The following ANK2 variants were observed in gnomAD, a reference collection of about 807,000 sequenced individuals.
The protein encoded by ANK2 is ankyrin-2.
In ANK2, 83 loss-of-function variants were observed where a neutral mutation model predicts 360.5. The observed-to-expected ratio is 0.23, with a 90% confidence interval of 0.19 to 0.28. ANK2 has a LOEUF of 0.28. Among genes scored for constraint, ANK2 ranks in the 10% least tolerant of loss-of-function variants. The pLI is 1.00. For missense variants in ANK2, 4,201 were observed against 4,795.7 expected, an observed-to-expected ratio of 0.88 and a Z score of 3.66; for synonymous variants, 1,740 against 1,759.5, an observed-to-expected ratio of 0.99 and a Z score of 0.28.
intron 1 of ANK2, among the ~76,000 whole-genome samples, chr4:113,075,767 C>T (rs780711386): frequency 1.3e-5 from 2 of 152,154 alleles, no homozygotes; most frequent in East Asian, 3.8e-4. Flanking sequence ...ACCTAAGAAA[C>T]GGCAGCCTAT....
intron 28 of ANK2, 62 bp downstream of exon 28, chr4:113,332,132 A>G: frequency 7.2e-7 from 1 of 1,397,202 alleles, no homozygotes; most frequent in South Asian, 1.2e-5. Context: ...TTCTTCTGCA[A>G]TATGATTTCT....
chr4:112,766,395 A>G, the ANK2 span, among the ~76,000 whole-genome samples: 1 of 151,730 alleles, frequency 6.6e-6, no homozygotes, highest in Non-Finnish European at 1.5e-5. Flanking sequence ...ATTTTGCCAG[A>G]AAAAAAAATT....
chr4:113,100,486 C>A (rs904676341), intron 1 of ANK2, among the ~76,000 whole-genome samples: 1 of 152,004 alleles, frequency 6.6e-6, no homozygotes, highest in East Asian at 1.9e-4. Flanking sequence ...TGAATGCTGG[C>A]AAAGAGGTGG....
chr4:113,305,536 A>G (rs1266941744), intron 23 of ANK2, among the ~76,000 whole-genome samples: 1 of 152,170 alleles, frequency 6.6e-6, no homozygotes, highest in African/African-American at 2.4e-5. Flanking sequence ...TTTTAGAAAT[A>G]GCCAAAACTT....
At position 113,292,925 on chromosome 4, in the gene ANK2, G is replaced by A. The variant is rs78421612; in HGVS notation, c.2376+411G>A. ...TGTAAACTAAGCGGTGCAATTAAACGAACTGGGATCCCGAGTGGCCTGGGT... is the reference window on the plus strand; with the variant it reads ...TGTAAACTAAGCGGTGCAATTAAACAAACTGGGATCCCGAGTGGCCTGGGT... On this transcript the variant is annotated intron_variant, in intron 21 of 45. Coordinates refer to ENST00000357077, the MANE Select transcript of ANK2 (RefSeq NM_001148.6). The A allele has an allele frequency of 3.0e-3, 1,060 of 354,050 alleles. 10 individuals carry two copies. The highest frequency in any genetic ancestry group is 0.021 in the African/African-American group (987 of 47,184). The allele number at this position is 354,050 out of a possible 1,614,324, so 21.9% of individuals were successfully genotyped here.
chr4:112,850,504 C>CTTTTTTTTTTT lies in ANK2; in HGVS notation c.-40+32260_-40+32270dup, dbSNP rs60510554. On this transcript the variant is annotated intron_variant, in intron 1 of 30. Transcript: ENST00000503271. ...TTTTTTTAACATTTCCTGTGCTAGTCTTTTTTTTTTTTTTTTTTTTTTTTT... is the reference window on the plus strand; with the variant it reads ...TTTTTTTAACATTTCCTGTGCTAGTCTTTTTTTTTTTTTTTTTTTTTTTTTTTTTTTTTTTT... 1.4e-3 allele frequency among the ~76,000 whole-genome samples: 8 copies of CTTTTTTTTTTT among 5,818 alleles called. 3 individuals carry two copies. Among genetic ancestry groups the CTTTTTTTTTTT allele is most frequent in the African/African-American group, 3.6e-3 (5 of 1,406 alleles). 3.8% of individuals were successfully genotyped at this position (5,818 alleles called of 152,430 possible).
chr4:113,237,267 A>G, intron 6 of ANK2, 95 bp downstream of exon 6: 1 of 1,404,130 alleles, frequency 7.1e-7, no homozygotes, highest in Non-Finnish European at 1.0e-6. Context: ...TGATAATGCA[A>G]AATTATTTCT....
chr4:113,327,306 C>A (rs573844564), intron 26 of ANK2, among the ~76,000 whole-genome samples: 1 of 152,148 alleles, frequency 6.6e-6, no homozygotes, highest in African/African-American at 2.4e-5. Flanking sequence ...CAAAGGAAAT[C>A]AATGTATTAG....
chr4:113,008,269 G>A (rs1338150401), intron 2 of ANK2, among the ~76,000 whole-genome samples: 2 of 152,136 alleles, frequency 1.3e-5, no homozygotes, highest in African/African-American at 2.4e-5. Flanking sequence ...AGGCAGTTGA[G>A]TGGAGTTTAT....
intron 1 of ANK2, among the ~76,000 whole-genome samples, chr4:112,832,458 ATTATT>A (rs1480493088): frequency 6.6e-6 from 1 of 152,234 alleles, no homozygotes; most frequent in African/African-American, 2.4e-5. Context: ...CAGTCACAAA[ATTATT>A]TTATTTTGCC....
At chr4:112,728,919 G>A in the ANK2 span, among the ~76,000 whole-genome samples, 1 of 152,264 alleles carries the variant, frequency 6.6e-6, no homozygotes, top group African/African-American at 2.4e-5. Context: ...GCTCAAGCCT[G>A]TAATCCTGGC....
chr4:112,778,823 A>AT, the ANK2 span, among the ~76,000 whole-genome samples: 1 of 152,104 alleles, frequency 6.6e-6, no homozygotes, highest in Non-Finnish European at 1.5e-5. Flanking sequence ...TGTTTGTTGA[A>AT]TTTTTTTGTC....
chr4:112,768,344 C>G, the ANK2 span, among the ~76,000 whole-genome samples: 3 of 152,068 alleles, frequency 2.0e-5, no homozygotes, highest in Non-Finnish European at 4.4e-5. Context: ...ACCTCTGTCT[C>G]CTGGGCTCAA....
chr4:112,953,707 T>G (rs1280108778), intron 2 of ANK2, among the ~76,000 whole-genome samples: 1 of 152,246 alleles, frequency 6.6e-6, no homozygotes, highest in Non-Finnish European at 1.5e-5. Flanking sequence ...TTCCTGACTC[T>G]ACTCTGGCAG....
chr4:113,020,682 C>T (rs554921573), intron 2 of ANK2, among the ~76,000 whole-genome samples: 7 of 151,912 alleles, frequency 4.6e-5, no homozygotes, highest in Non-Finnish European at 8.8e-5. Context: ...ACAAAATAGC[C>T]GGGCATGGTG....
chr4:113,175,638 C>T (rs2098166822), intron 2 of ANK2, among the ~76,000 whole-genome samples: 1 of 152,184 alleles, frequency 6.6e-6, no homozygotes, highest in Admixed American at 6.5e-5. Context: ...CACATAATGC[C>T]TTGAGCGATA....
intron 31 of ANK2, among the ~76,000 whole-genome samples, chr4:113,338,542 ACTT>A (rs2093846432): frequency 8.2e-6 from 1 of 121,862 alleles, no homozygotes; most frequent in South Asian, 2.4e-4. Context: ...TAGATTGTTC[ACTT>A]TTTTTTTTTT....
chr4:113,332,874 C>T (rs988270301), intron 28 of ANK2, 180 bp from the exon 29 acceptor site: 1 of 748,502 alleles, frequency 1.3e-6, no homozygotes, highest in Non-Finnish European at 2.2e-6. Flanking sequence ...GGATTGGTGC[C>T]CCTGAGGTGG....
intron 1 of ANK2, among the ~76,000 whole-genome samples, chr4:113,084,360 GA>G (rs2083631780): frequency 6.6e-6 from 1 of 152,232 alleles, no homozygotes; most frequent in Admixed American, 6.5e-5. Context: ...GCTGTGGGAA[GA>G]GAGTGACTAT....
Sources: allele counts gnomAD v4.1 joint callset (sites outside exome capture counted in the v4.1 genomes callset), GRCh38; gene constraint gnomAD v4.1.1; transcripts MANE v1.5; gene names NCBI Gene and HGNC (gene_info 2026-07-23, HGNC 2026-07-21).